Variants in ST3GAL3 observed in about 807,000 individuals in gnomAD.
The protein encoded by ST3GAL3 is ST3 beta-galactoside alpha-2,3-sialyltransferase 3.
Under a neutral mutation model 50.1 loss-of-function variants are expected in ST3GAL3, and 21 were observed. The observed-to-expected ratio is 0.42, with a 90% CI of 0.30 to 0.60. The LOEUF (loss-of-function observed/expected upper bound fraction) is 0.60. Among genes scored for constraint, ST3GAL3 ranks in the 20% least tolerant of loss-of-function variants. The probability of loss-of-function intolerance (pLI) is 0.19; values close to 1 mark genes in which losing one functional copy is unlikely to be tolerated. For synonymous variants in ST3GAL3, 183 were observed against 190.0 expected, an observed-to-expected ratio of 0.96 and a Z score of 0.30; for missense variants, 353 against 489.4, an observed-to-expected ratio of 0.72 and a Z score of 2.63.
intron 1 of ST3GAL3, among the ~76,000 whole-genome samples, chr1:43,720,966 C>T (rs1670114013): frequency 6.6e-6 from 1 of 152,106 alleles, no homozygotes; most frequent in African/African-American, 2.4e-5. Context: ...AGTACTGGGC[C>T]AGGCATAGTG....
At chr1:43,894,101 G>C in intron 5 of ST3GAL3, 1 of 462,158 alleles carries the variant, frequency 2.2e-6, no homozygotes. Flanking sequence ...AGAGCTTCCA[G>C]CTCTGAGAAA....
intron 5 of ST3GAL3, chr1:43,840,615 C>G (rs939298983): frequency 4.6e-5 from 7 of 152,070 alleles, no homozygotes; most frequent in Non-Finnish European, 8.8e-5. Context: ...TTTGAAAATC[C>G]CTAATAAAAA....
At chr1:43,862,203 A>T (rs544376425) in intron 5 of ST3GAL3, among the ~76,000 whole-genome samples, 197 of 152,264 alleles carry the variant, frequency 1.3e-3, no homozygotes, top group African/African-American at 4.5e-3. Context: ...GTCCACATGC[A>T]TGTGCTGTCT....
At chr1:43,815,549 A>G (rs905497026) in intron 4 of ST3GAL3, among the ~76,000 whole-genome samples, 1 of 152,128 alleles carries the variant, frequency 6.6e-6, no homozygotes, top group African/African-American at 2.4e-5. Context: ...CTGTAATTGC[A>G]TAATAATTAC....
intron 5 of ST3GAL3, among the ~76,000 whole-genome samples, chr1:43,846,958 A>T (rs1044072909): frequency 1.3e-5 from 2 of 152,226 alleles, no homozygotes; most frequent in Non-Finnish European, 2.9e-5. Flanking sequence ...CAACAACAAG[A>T]AAAAAACTGA....
intron 1 of ST3GAL3, among the ~76,000 whole-genome samples, chr1:43,727,972 T>G (rs1277373030): frequency 6.6e-6 from 1 of 152,140 alleles, no homozygotes; most frequent in Non-Finnish European, 1.5e-5. Flanking sequence ...CTGTCACCCA[T>G]GTACTCAGCA....
At chr1:43,817,116 C>G (rs1277836335) in intron 4 of ST3GAL3, among the ~76,000 whole-genome samples, 1 of 152,202 alleles carries the variant, frequency 6.6e-6, no homozygotes, top group Non-Finnish European at 1.5e-5. Context: ...TGAATTCTGT[C>G]TGCTGCATAG....
intron 4 of ST3GAL3, among the ~76,000 whole-genome samples, chr1:43,821,444 T>G (rs3791068): frequency 0.24 from 36,886 of 151,846 alleles, 6,695 homozygotes; most frequent in African/African-American, 0.5. Context: ...GGAAGGAACA[T>G]TCACCGAAGA....
chr1:43,903,357 C>T (rs777478033), intron 9 of ST3GAL3, among the ~76,000 whole-genome samples: 1 of 152,200 alleles, frequency 6.6e-6, no homozygotes, highest in Non-Finnish European at 1.5e-5. Flanking sequence ...AGGCCCTGCC[C>T]TCTTGCCTCT....
At chr1:43,827,552 G>A (rs2062979626) in intron 4 of ST3GAL3, among the ~76,000 whole-genome samples, 1 of 152,172 alleles carries the variant, frequency 6.6e-6, no homozygotes, top group Non-Finnish European at 1.5e-5. Context: ...GCCCAGGCTG[G>A]AGTGTAGCGG....
intron 3 of ST3GAL3, among the ~76,000 whole-genome samples, chr1:43,809,177 G>A (rs1001013119): frequency 1.3e-5 from 2 of 152,084 alleles, no homozygotes; most frequent in East Asian, 3.9e-4. Flanking sequence ...GCTTAGAGAT[G>A]ACACAAATGA....
In ST3GAL3 at chr1:43,919,069, C is replaced by CTTTTTTTTTTTTTTTTTTTT. The variant is rs1170641209; in HGVS notation, c.745-1328_745-1309dup. 3.1e-4 allele frequency: 19 copies of CTTTTTTTTTTTTTTTTTTTT among 60,318 alleles called. 6 individuals are homozygous for CTTTTTTTTTTTTTTTTTTTT. Among genetic ancestry groups the CTTTTTTTTTTTTTTTTTTTT allele is most frequent in the East Asian group, 5.7e-4 (1 of 1,764 alleles). The allele number at this position is 60,318 out of a possible 1,614,324, so 3.7% of individuals were successfully genotyped here. A position where few individuals can be genotyped will look rare whatever the true frequency, so the allele number is the denominator to read the frequency against. ...TTTCTTTTCTTTCCTTTCTTTGTTTCTTTTTTTTTTTTTTTTTTTTTTTTT... is the reference window on the plus strand; with the variant it reads ...TTTCTTTTCTTTCCTTTCTTTGTTTCTTTTTTTTTTTTTTTTTTTTTTTTTTTTTTTTTTTTTTTTTTTTT... On this transcript the variant is annotated intron_variant, in intron 9 of 11. Coordinates refer to ENST00000347631, the MANE Select transcript of ST3GAL3 (RefSeq NM_006279.5).
At chr1:43,907,851 CTCT>C (rs2080079945) in intron 9 of ST3GAL3, among the ~76,000 whole-genome samples, 1 of 152,192 alleles carries the variant, frequency 6.6e-6, no homozygotes, top group Non-Finnish European at 1.5e-5. Context: ...ATGTTCACCT[CTCT>C]TCTTTTCTCT....
chr1:43,813,049 T>C (rs539068651), intron 3 of ST3GAL3, among the ~76,000 whole-genome samples: 1 of 152,340 alleles, frequency 6.6e-6, no homozygotes, highest in Admixed American at 6.5e-5. Context: ...ATGAGTAGTG[T>C]GAGCCGCTGT....
At chr1:43,793,014 C>G (rs747882604) in intron 3 of ST3GAL3, among the ~76,000 whole-genome samples, 97 of 152,168 alleles carry the variant, frequency 6.4e-4, no homozygotes, top group Non-Finnish European at 7.9e-4. Context: ...TTCATTTTGC[C>G]GTCCTTAGAT....
intron 3 of ST3GAL3, among the ~76,000 whole-genome samples, chr1:43,798,311 C>T (rs1361587241): frequency 6.6e-6 from 1 of 152,194 alleles, no homozygotes; most frequent in Admixed American, 6.5e-5. Flanking sequence ...GAGTAATCTT[C>T]CAGAAACCTA....
chr1:43,750,290 A>G (rs1264078241), intron 2 of ST3GAL3, among the ~76,000 whole-genome samples: 4 of 152,346 alleles, frequency 2.6e-5, no homozygotes, highest in Admixed American at 2.0e-4. Context: ...AGTTCAGCAT[A>G]TGTTTAGTAC....
intron 7 of ST3GAL3, among the ~76,000 whole-genome samples, chr1:43,898,750 G>T (rs1270065259): frequency 4.6e-5 from 7 of 152,156 alleles, no homozygotes; most frequent in Non-Finnish European, 8.8e-5. Context: ...GAGTCCTAGA[G>T]CCTCCTGTCC....
chr1:43,873,161 G>C (rs574282852), intron 5 of ST3GAL3, among the ~76,000 whole-genome samples: 2 of 152,196 alleles, frequency 1.3e-5, no homozygotes, highest in African/African-American at 4.8e-5. Flanking sequence ...AAGGCAGTCC[G>C]ATTGGGAGGC....
Sources: allele counts gnomAD v4.1 joint callset (sites outside exome capture counted in the v4.1 genomes callset), GRCh38; gene constraint gnomAD v4.1.1; transcripts MANE v1.5; gene names NCBI Gene and HGNC (gene_info 2026-07-23, HGNC 2026-07-21).